DHPS: variants seen among roughly 807,000 people sequenced by gnomAD.
DHPS encodes deoxyhypusine synthase, also known as migration-inducing gene 13.
DHPS carries 24 observed loss-of-function variants against 38.7 expected under a neutral mutation model. That is an observed-to-expected ratio of 0.62 (90% CI 0.45 to 0.87). The LOEUF (loss-of-function observed/expected upper bound fraction) is 0.87. DHPS is among the 40% of genes least tolerant of loss of function. The probability of loss-of-function intolerance (pLI) is 0.00; values close to 1 mark genes in which losing one functional copy is unlikely to be tolerated. For synonymous variants in DHPS, 250 were observed against 204.4 expected, an observed-to-expected ratio of 1.22 and a Z score of -1.90; for missense variants, 510 against 497.6, an observed-to-expected ratio of 1.02 and a Z score of -0.24.
At chr19:12,674,786 AAGAGGAATAACTGAT>A (rs1473539510), downstream of DHPS, among the ~76,000 whole-genome samples, 3 of 152,134 alleles carry the variant, frequency 2.0e-5, no homozygotes, top group Non-Finnish European at 4.4e-5. Context: ...AAGCAGAGCC[AAGAGGAATAACTGAT>A]AGAGGAACAT....
At chr19:12,672,727 G>T, downstream of DHPS, 1 of 1,055,704 alleles carries the variant, frequency 9.5e-7, no homozygotes, top group South Asian at 1.4e-5. Context: ...CAAGGCCAGA[G>T]CTTCAGAATT....
At chr19:12,681,025 G>A in intron 1 of DHPS, 3 of 757,974 alleles carry the variant, frequency 4.0e-6, no homozygotes, top group Non-Finnish European at 5.5e-6. Flanking sequence ...GTAGAGACAG[G>A]GTTTCACCAT....
At chr19:12,681,444 G>A (rs2145373257) in intron 1 of DHPS, 116 bp downstream of exon 1, 1 of 1,272,254 alleles carries the variant, frequency 7.9e-7, no homozygotes, top group Non-Finnish European at 1.1e-6. Flanking sequence ...CCAACTATTG[G>A]GCAACTCAAA....
chr19:12,673,077 T>C, downstream of DHPS: 9 of 1,613,482 alleles, frequency 5.6e-6, no homozygotes, highest in Non-Finnish European at 7.6e-6. Context: ...GACTCCACAT[T>C]GCGGCTCCTG....
chr19:12,675,938 G>A lies in DHPS; in HGVS notation c.1015-5C>T, dbSNP rs767681859. On this transcript the variant is annotated splice_polypyrimidine_tract_variant and splice_region_variant and intron_variant, in intron 8 of 8. Coordinates refer to ENST00000210060, the MANE Select transcript of DHPS (RefSeq NM_001930.4). ...CAGGGAGGCGTCAGCATAGACCTGGGTAGGGGGGAACCTGGGTAAGCCATG... is the reference window on the plus strand; with the variant it reads ...CAGGGAGGCGTCAGCATAGACCTGGATAGGGGGGAACCTGGGTAAGCCATG... 2.3e-5 allele frequency: 37 copies of A among 1,604,316 alleles called. No homozygotes were observed. Among genetic ancestry groups the A allele is most frequent in the Non-Finnish European group, 3.2e-5 (37 of 1,174,436 alleles).
At position 12,679,333 on chromosome 19, in the gene DHPS, G is replaced by C. The variant is rs534819481; in HGVS notation, c.678+124C>G. ...AAAATTACCACGCCTATCTGTGTTT[G>C]AGTCTCCTCATCTAAGAGTGAGGAT... On this transcript the variant is annotated intron_variant, in intron 5 of 8. Coordinates refer to ENST00000210060, the MANE Select transcript of DHPS (RefSeq NM_001930.4). 264 of 922,840 alleles carry C rather than the reference G, an allele frequency of 2.9e-4. 1 individual carries two copies. The African/African-American group carries it at 4.0e-3, about 14-fold the overall frequency. The allele number at this position is 922,840 out of a possible 1,614,324, so 57.2% of individuals were successfully genotyped here.
downstream of DHPS, chr19:12,673,133 G>T (rs186525351): frequency 6.2e-7 from 1 of 1,611,930 alleles, no homozygotes; most frequent in African/African-American, 1.3e-5. Flanking sequence ...CCTTGTGGTC[G>T]TGGGGATCCC....
Position 12,675,760 on chromosome 19 carries a change from C to A in DHPS, c.*78G>T, listed in dbSNP as rs1396110991. ...CATCTTATTCTAGAGACGTAGCTGA[C>A]CAAAAAGTAGGGGAGGGGCTGGGTC... On this transcript the variant is annotated 3_prime_UTR_variant, in exon 9 of 9. Transcript: ENST00000210060. The A allele has an allele frequency of 6.4e-7, 1 of 1,564,282 alleles. No individual in the cohort carries two copies.
chr19:12,673,393 G>A (rs2024479590), downstream of DHPS: 2 of 887,148 alleles, frequency 2.3e-6, no homozygotes, highest in Non-Finnish European at 3.6e-6. Flanking sequence ...GTCACTCCAG[G>A]GCCTGAAGGC....
chr19:12,675,090 G>A (rs10426586), downstream of DHPS, among the ~76,000 whole-genome samples: 1 of 150,474 alleles, frequency 6.6e-6, no homozygotes, highest in African/African-American at 2.5e-5. Context: ...CTCCAGCCTG[G>A]CGACAGAGCA....
At chr19:12,677,513 A>G (rs2024649263) in intron 5 of DHPS, 117 bp from the exon 6 acceptor site, 1 of 808,126 alleles carries the variant, frequency 1.2e-6, no homozygotes. Flanking sequence ...TTCCTCAATT[A>G]TAAGCATAAC....
At chr19:12,673,240 G>A (rs765393101), downstream of DHPS, 1 of 1,614,022 alleles carries the variant, frequency 6.2e-7, no homozygotes. Flanking sequence ...AAGCTGGACT[G>A]CTGCCTGAGC....
intron 1 of DHPS, chr19:12,681,349 G>GT: frequency 9.9e-7 from 1 of 1,013,086 alleles, no homozygotes; most frequent in Middle Eastern, 2.5e-4. Context: ...GCCTCCTCAG[G>GT]TTACCGTACC....
intron 1 of DHPS, among the ~76,000 whole-genome samples, chr19:12,680,734 A>G (rs1472314861): frequency 1.4e-5 from 2 of 144,106 alleles, no homozygotes; most frequent in African/African-American, 5.2e-5. Flanking sequence ...GGGTTTCTCC[A>G]TGTTGGTCAG....
intron 1 of DHPS, 166 bp downstream of exon 1, chr19:12,681,394 C>G (rs1328258268): frequency 9.6e-7 from 1 of 1,045,312 alleles, no homozygotes; most frequent in Non-Finnish European, 1.4e-6. Context: ...ATCCCCTTCC[C>G]AGGACAGAAA....
downstream of DHPS, chr19:12,673,274 CTGTTCTGAGGACGGGAAGG>C (rs2024476469): frequency 1.9e-6 from 3 of 1,614,094 alleles, no homozygotes; most frequent in Admixed American, 1.7e-5. Context: ...ATGTGGTCAG[CTGTTCTGAGGACGGGAAGG>C]TGTTCTTCTG....
chr19:12,679,104 T>C (rs771225350), intron 5 of DHPS, among the ~76,000 whole-genome samples: 3 of 152,024 alleles, frequency 2.0e-5, no homozygotes, highest in Non-Finnish European at 2.9e-5. Flanking sequence ...AAGACCAGCC[T>C]GGGAAACACA....
chr19:12,681,847 G>A lies in DHPS; in HGVS notation c.-81C>T, dbSNP rs113428010. On this transcript the variant is annotated 5_prime_UTR_variant, in exon 1 of 9. Transcript: ENST00000210060. ...CCAGAAACGCGTTAAACCCCGACGC[G>A]CGCGTCTCCGCAAGAGCACAGGAAG... 2 of 1,252,446 alleles carry A rather than the reference G, an allele frequency of 1.6e-6. No homozygotes were observed. Among genetic ancestry groups the A allele is most frequent in the South Asian group, 1.3e-5 (1 of 79,612 alleles). The allele number at this position is 1,252,446 out of a possible 1,614,324, so 77.6% of individuals were successfully genotyped here.
Position 12,679,558 on chromosome 19 carries a change from G to T in DHPS, c.592-15C>A, listed in dbSNP as rs745540819. ...CACTTTACACCCTAGGAGAGGATGT[G>T]ACCTTCAGGCCATGCCTCCCCTGAC... On this transcript the variant is annotated splice_polypyrimidine_tract_variant and intron_variant, in intron 4 of 8. Coordinates refer to ENST00000210060, the MANE Select transcript of DHPS (RefSeq NM_001930.4). 6.2e-7 allele frequency: 1 copy of T among 1,614,080 alleles called. No homozygotes were observed. Among genetic ancestry groups the T allele is most frequent in the South Asian group, 1.1e-5 (1 of 91,072 alleles).
Sources: gnomAD v4.1 joint callset for allele counts (sites outside exome capture counted in the v4.1 genomes callset) on GRCh38, gnomAD v4.1.1 for gene constraint, MANE v1.5 for transcripts, NCBI Gene and HGNC (gene_info 2026-07-23, HGNC 2026-07-21) for gene names.